Variants in PTPRD observed in about 807,000 individuals in gnomAD.
The protein encoded by PTPRD is receptor-type tyrosine-protein phosphatase delta.
PTPRD carries 34 observed loss-of-function variants against 214.5 expected under a neutral mutation model. The observed-to-expected ratio is 0.16, with a 90% CI of 0.12 to 0.21. The LOEUF (loss-of-function observed/expected upper bound fraction) is 0.21, where lower values mean the gene tolerates loss of function less well. PTPRD is among the 10% of genes least tolerant of loss of function. PTPRD has a pLI of 1.00. For synonymous variants in PTPRD, 1,128 were observed against 845.7 expected (o/e 1.33, Z -5.79); for missense variants, 2,545 against 2,398.7 (o/e 1.06, Z -1.27).
At chr9:10,490,714 T>A (rs1281022655) in intron 2 of PTPRD, among the ~76,000 whole-genome samples, 1 of 152,306 alleles carries the variant, frequency 6.6e-6, no homozygotes, top group Middle Eastern at 3.4e-3. Flanking sequence ...CTAGTTTTTA[T>A]CCATGCATAA....
At chr9:9,220,936 G>A (rs73641263) in intron 9 of PTPRD, among the ~76,000 whole-genome samples, 5 of 152,078 alleles carry the variant, frequency 3.3e-5, no homozygotes, top group Non-Finnish European at 2.9e-5. Context: ...TAGGAAAGTA[G>A]GGGGAGGCTA....
chr9:8,817,565 A>T (rs2096946666), intron 11 of PTPRD, among the ~76,000 whole-genome samples: 2 of 152,146 alleles, frequency 1.3e-5, no homozygotes. Flanking sequence ...CAGGAGTTCA[A>T]GAATGCAGTG....
intron 11 of PTPRD, among the ~76,000 whole-genome samples, chr9:8,980,493 TTAAA>T (rs1178414537): frequency 6.6e-6 from 1 of 152,092 alleles, no homozygotes; most frequent in Non-Finnish European, 1.5e-5. Context: ...ATTGCAAACC[TTAAA>T]TACATACAAT....
intron 5 of PTPRD, among the ~76,000 whole-genome samples, chr9:9,865,243 C>T (rs115613217): frequency 6.2e-4 from 94 of 152,316 alleles, no homozygotes; most frequent in African/African-American, 1.3e-3. Context: ...ATTGTTTAAA[C>T]GTCCCTTCCA....
At chr9:9,211,855 A>T in intron 9 of PTPRD, among the ~76,000 whole-genome samples, 1 of 151,796 alleles carries the variant, frequency 6.6e-6, no homozygotes, top group Non-Finnish European at 1.5e-5. Flanking sequence ...AGCCAGGCTG[A>T]GTAACTTAGC....
chr9:8,643,403 T>A (rs72698292), intron 12 of PTPRD, among the ~76,000 whole-genome samples: 24,420 of 151,492 alleles, frequency 0.16, 2,475 homozygotes, highest in African/African-American at 0.28. Flanking sequence ...GGAAGGAAAA[T>A]ATATGAAAAG....
At chr9:8,866,491 A>G (rs571137011) in intron 11 of PTPRD, among the ~76,000 whole-genome samples, 27 of 152,282 alleles carry the variant, frequency 1.8e-4, no homozygotes, top group Non-Finnish European at 2.9e-4. Flanking sequence ...TTAATAAAAC[A>G]CAAGTTGATT....
intron 2 of PTPRD, among the ~76,000 whole-genome samples, chr9:10,503,202 A>AAAC (rs1481913925): frequency 1.8e-4 from 24 of 133,050 alleles, no homozygotes; most frequent in African/African-American, 4.4e-4. Context: ...ACAAAAAAAA[A>AAAC]AAAAACAAAA....
chr9:9,762,142 T>C (rs1415867458), intron 6 of PTPRD, among the ~76,000 whole-genome samples: 1 of 152,114 alleles, frequency 6.6e-6, no homozygotes, highest in Non-Finnish European at 1.5e-5. Flanking sequence ...TGAACAGAGG[T>C]TGTCTGACCT....
At chr9:9,784,458 T>C (rs1000351191) in intron 5 of PTPRD, among the ~76,000 whole-genome samples, 2 of 152,136 alleles carry the variant, frequency 1.3e-5, no homozygotes, top group African/African-American at 4.8e-5. Context: ...TAAGTCATTC[T>C]AATCTCACAT....
chr9:8,330,786 A>AAGAACTATAGTTTTCTTTG (rs1839687045), intron 44 of PTPRD, among the ~76,000 whole-genome samples: 2 of 152,250 alleles, frequency 1.3e-5, no homozygotes, highest in South Asian at 4.2e-4. Flanking sequence ...CTATGTCGTA[A>AAGAACTATAGTTTTCTTTG]AGAACTATAG....
At chr9:10,319,439 T>C (rs923918478) in intron 3 of PTPRD, among the ~76,000 whole-genome samples, 1 of 152,108 alleles carries the variant, frequency 6.6e-6, no homozygotes, top group Non-Finnish European at 1.5e-5. Flanking sequence ...ACAGCTTCTG[T>C]GGGTGCTCTC....
At chr9:8,593,365 TG>T (rs1029249405) in intron 14 of PTPRD, among the ~76,000 whole-genome samples, 2 of 152,204 alleles carry the variant, frequency 1.3e-5, no homozygotes, top group Non-Finnish European at 2.9e-5. Context: ...AGAACCAGTG[TG>T]GAACAAAAGG....
At position 8,331,593 on chromosome 9, in the gene PTPRD, T is replaced by C; in HGVS notation, c.5523A>G (p.Ser1841=). ...AAATGGAAACTTACCTGCAATGGAC[T>C]GAAATGGGTCCATCTTGGCCAAACT... ...KEQFGQDGPI[S]VHCSAGVGRT... The change falls in exon 44 of 46, where the codon TCA becomes TCG. Residue 1841 remains serine (S), a synonymous_variant. Coordinates refer to ENST00000381196, the MANE Select transcript of PTPRD (RefSeq NM_002839.4). 6.2e-7 allele frequency: 1 copy of C among 1,609,442 alleles called. No individual in the cohort carries two copies. The highest frequency in any genetic ancestry group is 8.5e-7 in the Non-Finnish European group (1 of 1,179,830).
chr9:8,940,373 C>T (rs10977378), intron 11 of PTPRD, among the ~76,000 whole-genome samples: 19,087 of 144,272 alleles, frequency 0.13, 1,449 homozygotes, highest in South Asian at 0.2. Flanking sequence ...ACCTCTGCCT[C>T]CTGGGTTCAA....
intron 2 of PTPRD, among the ~76,000 whole-genome samples, chr9:10,355,162 C>G (rs2097253630): frequency 1.3e-5 from 2 of 152,094 alleles, no homozygotes; most frequent in South Asian, 4.1e-4. Flanking sequence ...ACATTTACTT[C>G]AAAGTTTTTT....
intron 39 of PTPRD, among the ~76,000 whole-genome samples, chr9:8,365,557 G>A (rs1210429173): frequency 6.6e-6 from 1 of 152,106 alleles, no homozygotes; most frequent in African/African-American, 2.4e-5. Flanking sequence ...CCAGGCTGAT[G>A]AGCATGGAGA....
In PTPRD at chr9:10,303,447, AC is replaced by A. The variant is rs574785479; in HGVS notation, c.-545+37515del. ...GAAGGAGATAGAAACACAAAAAAAA[AC>A]CTTCAAAAAATAAATTAATCCAGGA... On this transcript the variant is annotated intron_variant, in intron 3 of 45. Coordinates refer to ENST00000381196, the MANE Select transcript of PTPRD (RefSeq NM_002839.4). 1.9e-4 allele frequency among the ~76,000 whole-genome samples: 28 copies of A among 150,386 alleles called. No individual in the cohort carries two copies. The East Asian group carries it at 2.9e-3, about 16-fold the overall frequency.
At chr9:9,248,302 C>T (rs1474201105) in intron 9 of PTPRD, among the ~76,000 whole-genome samples, 2 of 151,960 alleles carry the variant, frequency 1.3e-5, no homozygotes, top group African/African-American at 4.8e-5. Context: ...CCATGTGGGC[C>T]AGGCTAATCT....
Sources: gnomAD v4.1 joint callset for allele counts (sites outside exome capture counted in the v4.1 genomes callset) on GRCh38, gnomAD v4.1.1 for gene constraint, MANE v1.5 for transcripts, NCBI Gene and HGNC (gene_info 2026-07-23, HGNC 2026-07-21) for gene names.